Variants in ACTR3C observed in about 807,000 individuals in gnomAD.
ACTR3C encodes actin related protein 3C, also known as actin-related protein 3C.
A neutral mutation model predicts 26.3 loss-of-function variants in ACTR3C; 18 were observed. That is an observed-to-expected ratio of 0.68 (90% CI 0.47 to 1.01). ACTR3C has a LOEUF of 1.01. Among genes scored for constraint, ACTR3C ranks in the 50% least tolerant of loss-of-function variants. ACTR3C has a pLI of 0.00. For synonymous variants in ACTR3C, 55 were observed against 94.5 expected (o/e 0.58, Z 2.42); for missense variants, 184 against 250.7 (o/e 0.73, Z 1.80).
chr7:149,988,984 G>A, the ACTR3C span, among the ~76,000 whole-genome samples: 1 of 152,120 alleles, frequency 6.6e-6, no homozygotes. Flanking sequence ...TTTGTGAAGG[G>A]CCCCTGAGGC....
chr7:150,289,025 A>G (rs541802924), intron 4 of ACTR3C, among the ~76,000 whole-genome samples: 2 of 150,928 alleles, frequency 1.3e-5, no homozygotes, highest in East Asian at 3.9e-4. Flanking sequence ...GCTTATGGCC[A>G]CATGTCACAG....
chr7:149,895,295 G>T, the ACTR3C span, among the ~76,000 whole-genome samples: 6 of 151,622 alleles, frequency 4.0e-5, no homozygotes, highest in Non-Finnish European at 5.9e-5. Flanking sequence ...ACTACAGTTA[G>T]ATAGGAGAAA....
At chr7:149,903,053 T>TAAA in the ACTR3C span, among the ~76,000 whole-genome samples, 5 of 84,992 alleles carry the variant, frequency 5.9e-5, no homozygotes, top group Admixed American at 1.5e-4. Context: ...TTTTTTTAAT[T>TAAA]AAAAAAAACC....
chr7:150,177,915 A>G, the ACTR3C span, among the ~76,000 whole-genome samples: 1 of 150,862 alleles, frequency 6.6e-6, no homozygotes, highest in African/African-American at 2.5e-5. Flanking sequence ...CTTGAAAATT[A>G]TGTATGTAGG....
the ACTR3C span, among the ~76,000 whole-genome samples, chr7:150,193,548 G>T: frequency 0.029 from 4,434 of 150,806 alleles, 210 homozygotes; most frequent in African/African-American, 0.1. Flanking sequence ...TCCAGCATAA[G>T]AATTTAGTTG....
Position 150,264,644 on chromosome 7 carries a change from G to T in ACTR3C, c.565-15590C>A, listed in dbSNP as rs958002773. The T allele has an allele frequency of 8.3e-6, 8 of 963,170 alleles. No individual in the cohort carries two copies. The African/African-American group carries it at 1.4e-4, about 17-fold the overall frequency. 59.7% of individuals were successfully genotyped at this position (963,170 alleles called of 1,614,324 possible). On this transcript the variant is annotated intron_variant, in intron 6 of 7. Transcript: ENST00000683684. ...CAAAGACAAGTTGAAGAAAACAAAA[G>T]TCCCTAAACCGAGTCGATTAAGACA...
At chr7:150,023,808 C>T in the ACTR3C span, among the ~76,000 whole-genome samples, 1 of 144,698 alleles carries the variant, frequency 6.9e-6, no homozygotes, top group Non-Finnish European at 1.5e-5. Flanking sequence ...ATCCTTGAGT[C>T]TTCTGGGCTG....
chr7:149,900,069 C>T, the ACTR3C span, among the ~76,000 whole-genome samples: 6 of 146,410 alleles, frequency 4.1e-5, no homozygotes, highest in South Asian at 1.3e-3. Flanking sequence ...CAAGACTTTC[C>T]GTTGAAATAA....
the ACTR3C span, among the ~76,000 whole-genome samples, chr7:150,003,361 G>GTGGTA: frequency 6.7e-6 from 1 of 150,004 alleles, no homozygotes; most frequent in East Asian, 1.9e-4. Flanking sequence ...GGTATGTGGT[G>GTGGTA]TGTGCTGTGT....
At chr7:149,956,162 GA>G in the ACTR3C span, among the ~76,000 whole-genome samples, 1 of 152,156 alleles carries the variant, frequency 6.6e-6, no homozygotes, top group East Asian at 1.9e-4. Context: ...AAAAATTTTT[GA>G]GTGTTTCTAA....
the ACTR3C span, among the ~76,000 whole-genome samples, chr7:150,098,953 G>T: frequency 6.7e-6 from 1 of 150,364 alleles, no homozygotes; most frequent in African/African-American, 2.5e-5. Context: ...AAGCCAATCT[G>T]TAGGAATTTC....
At chr7:150,032,962 T>G in the ACTR3C span, among the ~76,000 whole-genome samples, 7 of 152,268 alleles carry the variant, frequency 4.6e-5, no homozygotes, top group Middle Eastern at 3.4e-3. Flanking sequence ...CTTGCTGATG[T>G]GCAAAAGGTC....
At chr7:150,253,981 T>C (rs988292473) in intron 6 of ACTR3C, among the ~76,000 whole-genome samples, 20 of 152,052 alleles carry the variant, frequency 1.3e-4, no homozygotes, top group South Asian at 2.1e-4. Context: ...TACCTAGCAG[T>C]CTGAGCTTGA....
chr7:150,176,641 A>C, the ACTR3C span, among the ~76,000 whole-genome samples: 1 of 150,910 alleles, frequency 6.6e-6, no homozygotes, highest in Non-Finnish European at 1.5e-5. Flanking sequence ...CAGTATCAAC[A>C]GAAACATTTT....
the ACTR3C span, among the ~76,000 whole-genome samples, chr7:150,150,261 A>T: frequency 6.6e-6 from 1 of 152,180 alleles, no homozygotes. Flanking sequence ...CAAGAATTTT[A>T]TATTTCCCCA....
the ACTR3C span, among the ~76,000 whole-genome samples, chr7:150,131,069 CA>C: frequency 6.6e-6 from 1 of 152,178 alleles, no homozygotes; most frequent in African/African-American, 2.4e-5. Flanking sequence ...CATGACTACA[CA>C]TTTTTTCAAA....
the ACTR3C span, among the ~76,000 whole-genome samples, chr7:150,049,092 G>A: frequency 2.6e-5 from 4 of 151,690 alleles, no homozygotes; most frequent in East Asian, 2.0e-4. Context: ...CACTCGCCGC[G>A]CGCTCTCGGG....
At chr7:150,322,491 G>A (rs1006552926) in intron 1 of ACTR3C, 14 of 152,226 alleles carry the variant, frequency 9.2e-5, no homozygotes, top group African/African-American at 3.1e-4. Flanking sequence ...ACTCCCACCA[G>A]CAAGCACCAT....
the ACTR3C span, among the ~76,000 whole-genome samples, chr7:150,138,922 A>G: frequency 2.0e-5 from 3 of 152,424 alleles, no homozygotes; most frequent in East Asian, 1.9e-4. Flanking sequence ...TCAGCTCCTT[A>G]TGAGAATCCA....
Sources: allele counts gnomAD v4.1 joint callset (sites outside exome capture counted in the v4.1 genomes callset), GRCh38; gene constraint gnomAD v4.1.1; transcripts MANE v1.5; gene names NCBI Gene and HGNC (gene_info 2026-07-23, HGNC 2026-07-21).